The following AZIN1 variants were observed in gnomAD, a reference collection of about 807,000 sequenced individuals.
AZIN1 encodes the protein ornithine decarboxylase antizyme inhibitor.
AZIN1 carries 12 observed loss-of-function variants against 47.4 expected under a neutral mutation model. The ratio of observed to expected loss-of-function variants is 0.25; its 90% CI spans 0.16 to 0.41. AZIN1 has a LOEUF of 0.41. Ranked by LOEUF, AZIN1 falls within the 10% of genes least tolerant of loss-of-function variation. The probability of loss-of-function intolerance (pLI) is 1.00; values close to 1 mark genes in which losing one functional copy is unlikely to be tolerated. For missense variants in AZIN1, 410 were observed against 532.4 expected (o/e 0.77, Z 2.26); for synonymous variants, 155 against 176.3 (o/e 0.88, Z 0.96).
rs151270350 is a variant in AZIN1 at position 102,838,819 on chromosome 8, T to G, written c.374A>C (p.Lys125Thr). The G allele has an allele frequency of 6.6e-4, 1,062 of 1,614,010 alleles. 1 individual carries two copies. The highest frequency in any genetic ancestry group is 1.1e-3 in the South Asian group (101 of 91,036). The change falls in exon 5 of 12, where the codon AAA becomes ACA. Residue 125 changes from lysine (K) to threonine (T), a missense_variant. This residue lies in a region of AZIN1 where 237 missense variants were observed against 309.4 expected (regional missense o/e 0.77). Coordinates refer to ENST00000337198, the MANE Select transcript of AZIN1 (RefSeq NM_148174.4). Reference protein sequence around the residue: ...KQVSQIKYAAKVGVNILTCDN... With the variant: ...KQVSQIKYAATVGVNILTCDN... ...ACATGTCAGGATATTCACTCCAACT[T>G]TTGCTGCATACTTTATCTGAGACAC... is the stretch of plus-strand genomic sequence containing the variant.
intron 1 of AZIN1, among the ~76,000 whole-genome samples, chr8:102,859,979 T>G (rs1002170127): frequency 3.3e-5 from 5 of 152,100 alleles, no homozygotes; most frequent in Non-Finnish European, 7.3e-5. Context: ...ACCCAAAAGG[T>G]GCATAGGATA....
At chr8:102,837,759 A>T (rs1361682021) in intron 5 of AZIN1, among the ~76,000 whole-genome samples, 1 of 152,256 alleles carries the variant, frequency 6.6e-6, no homozygotes, top group African/African-American at 2.4e-5. Context: ...AGTCAGTATG[A>T]AAATTATAGA....
intron 2 of AZIN1, among the ~76,000 whole-genome samples, chr8:102,852,869 C>T (rs970807440): frequency 6.6e-6 from 1 of 152,158 alleles, no homozygotes; most frequent in Admixed American, 6.5e-5. Flanking sequence ...ATCTGTGCTC[C>T]CTGGGGCCTC....
chr8:102,863,388 G>C (rs1453192468), intron 1 of AZIN1, among the ~76,000 whole-genome samples: 1 of 151,850 alleles, frequency 6.6e-6, no homozygotes, highest in African/African-American at 2.4e-5. Flanking sequence ...GCGGAGTAGG[G>C]GCTGCGGGAC....
At chr8:102,863,407 C>G (rs1813877469) in intron 1 of AZIN1, among the ~76,000 whole-genome samples, 1 of 151,708 alleles carries the variant, frequency 6.6e-6, no homozygotes, top group African/African-American at 2.4e-5. Flanking sequence ...ACCCCGGCCC[C>G]TCAGGGCTGC....
In AZIN1 at chr8:102,843,765, A is replaced by G; in HGVS notation, c.-95-18T>C. The G allele has an allele frequency of 6.8e-7, 1 of 1,466,628 alleles. No homozygotes were observed. The highest frequency in any genetic ancestry group is 1.4e-5 in the South Asian group (1 of 71,210). The allele number at this position is 1,466,628 out of a possible 1,614,324, so 90.9% of individuals were successfully genotyped here. ...GCAACAAACTGTCAAAATATAAGTT[A>G]TATAAAAGTCTGTATTATTTCAATA... On this transcript the variant is annotated intron_variant, in intron 2 of 11. Coordinates refer to ENST00000337198, the MANE Select transcript of AZIN1 (RefSeq NM_148174.4).
chr8:102,861,170 T>C (rs768359071), intron 1 of AZIN1, among the ~76,000 whole-genome samples: 1 of 152,200 alleles, frequency 6.6e-6, no homozygotes, highest in Non-Finnish European at 1.5e-5. Flanking sequence ...AGAAACTGTA[T>C]CTTTGTGACT....
chr8:102,861,450 G>C (rs1586215681), intron 1 of AZIN1, among the ~76,000 whole-genome samples: 1 of 151,102 alleles, frequency 6.6e-6, no homozygotes, highest in Non-Finnish European at 1.5e-5. Context: ...CTGGTCTCCT[G>C]ACCTCAGGCA....
rs1350293599 is a variant in AZIN1, at chr8:102,829,420, G to T, written c.1087C>A (p.Gln363Lys). Residue 363 changes from glutamine (Q) to lysine (K), a missense_variant, in exon 11 of 12, where the codon CAA becomes AAA. Physicochemically the swap from Gln to Lys is moderately conservative, Grantham distance 53. This residue lies in a region of AZIN1 where 168 missense variants were observed against 198.3 expected (regional missense o/e 0.85). Transcript: ENST00000337198. Reference protein sequence around the residue: ...LWGPSCDELDQIVESCLLPEL... With the variant: ...LWGPSCDELDKIVESCLLPEL... The stretch of plus-strand genomic sequence containing the variant: ...GGAAGAAGACAGCTTTCCACAATTT[G>T]ATCAAGCTCATCACAGGATGGACCC... 4.3e-6 allele frequency: 7 copies of T among 1,613,916 alleles called. No individual in the cohort carries two copies. The highest frequency in any genetic ancestry group is 5.9e-6 in the Non-Finnish European group (7 of 1,179,954).
intron 9 of AZIN1, among the ~76,000 whole-genome samples, chr8:102,832,589 A>C (rs755969644): frequency 6.6e-6 from 1 of 152,208 alleles, no homozygotes; most frequent in African/African-American, 2.4e-5. Context: ...TCTAAACATC[A>C]GTACCAAGAA....
chr8:102,847,512 A>AG (rs1246233521), intron 2 of AZIN1, among the ~76,000 whole-genome samples: 6 of 152,034 alleles, frequency 3.9e-5, no homozygotes, highest in Non-Finnish European at 8.8e-5. Context: ...TCTTAAACTT[A>AG]GGGGTGGTGG....
chr8:102,856,849 T>C (rs1813325434), intron 2 of AZIN1, among the ~76,000 whole-genome samples: 1 of 152,350 alleles, frequency 6.6e-6, no homozygotes, highest in Non-Finnish European at 1.5e-5. Context: ...ACAAGCCACC[T>C]GGATATAGAC....
chr8:102,860,725 A>C (rs1008147215), intron 1 of AZIN1, among the ~76,000 whole-genome samples: 1 of 152,210 alleles, frequency 6.6e-6, no homozygotes, highest in African/African-American at 2.4e-5. Context: ...ACTATTACAA[A>C]CTTAGTATCT....
chr8:102,845,644 AT>A (rs758500206), intron 2 of AZIN1, among the ~76,000 whole-genome samples: 1 of 152,234 alleles, frequency 6.6e-6, no homozygotes, highest in East Asian at 1.9e-4. Flanking sequence ...AATTAAAAAA[AT>A]AAAGGTCACT....
intron 9 of AZIN1, among the ~76,000 whole-genome samples, chr8:102,831,680 A>G (rs964373763): frequency 5.3e-5 from 8 of 150,526 alleles, no homozygotes; most frequent in Admixed American, 5.3e-4. Context: ...GGCCAGGTGT[A>G]TTGACTCAAG....
intron 3 of AZIN1, among the ~76,000 whole-genome samples, chr8:102,840,163 AC>A (rs1265481711): frequency 2.0e-5 from 3 of 152,210 alleles, no homozygotes. Context: ...AAGGAAGGGA[AC>A]CTATTTTCTC....
rs190329953 is a variant in AZIN1 at position 102,832,084 on chromosome 8, A to C, written c.904+972T>G. ...ATAGCCTAAAAAATTAATCATGAGGAATCATCCAACAAACCCAAACTAAGG... is the reference window on the plus strand; with the variant it reads ...ATAGCCTAAAAAATTAATCATGAGGCATCATCCAACAAACCCAAACTAAGG... On this transcript the variant is annotated intron_variant, in intron 9 of 11. Coordinates refer to ENST00000337198, the MANE Select transcript of AZIN1 (RefSeq NM_148174.4). 3.4e-3 allele frequency among the ~76,000 whole-genome samples: 524 copies of C among 152,330 alleles called. 1 individual carries two copies. The highest frequency in any genetic ancestry group is 5.9e-3 in the Non-Finnish European group (398 of 68,032).
rs762272761 is a variant in AZIN1 at position 102,839,709 on chromosome 8, C to T, written c.217G>A (p.Ala73Thr). Residue 73 changes from alanine (A) to threonine (T), a missense_variant, in exon 4 of 12, where the codon GCT becomes ACT. Ala to Thr is a moderately conservative substitution (Grantham distance 58). This residue lies in a region of AZIN1 where 237 missense variants were observed against 309.4 expected (regional missense o/e 0.77). Coordinates refer to ENST00000337198, the MANE Select transcript of AZIN1 (RefSeq NM_148174.4). ...GCCAAAATCTCAAGTACAGCTGGAG[C>T]AGAGTTGCACTTCACTGTGTAGAAT... ...KPFYTVKCNSAPAVLEILAAL... is the reference protein window; with the variant it reads ...KPFYTVKCNSTPAVLEILAAL... 3.1e-6 allele frequency: 5 copies of T among 1,605,096 alleles called. No individual in the cohort carries two copies. The highest frequency in any genetic ancestry group is 1.7e-5 in the Admixed American group (1 of 59,152).
At chr8:102,832,765 C>T (rs1008244118) in intron 9 of AZIN1, among the ~76,000 whole-genome samples, 4 of 151,996 alleles carry the variant, frequency 2.6e-5, no homozygotes, top group Admixed American at 1.3e-4. Flanking sequence ...CTCAGCCTCC[C>T]GAGTAGCCGG....
Sources: gnomAD v4.1 joint callset for allele counts (sites outside exome capture counted in the v4.1 genomes callset) on GRCh38, gnomAD v4.1.1 for gene constraint, gnomAD v4.1.1 regional missense constraint, MANE v1.5 for transcripts, NCBI Gene and HGNC (gene_info 2026-07-23, HGNC 2026-07-21) for gene names.